The following ITM2C variants were observed in gnomAD, a reference collection of about 807,000 sequenced individuals.
ITM2C encodes integral membrane protein 2C.
Under a neutral mutation model 30.0 loss-of-function variants are expected in ITM2C, and 20 were observed. The ratio of observed to expected loss-of-function variants is 0.67; its 90% CI spans 0.47 to 0.97. The LOEUF (loss-of-function observed/expected upper bound fraction) is 0.97, where lower values mean the gene tolerates loss of function less well. ITM2C is among the 50% of genes least tolerant of loss of function. The probability of loss-of-function intolerance (pLI) is 0.00; values close to 1 mark genes in which losing one functional copy is unlikely to be tolerated. For missense variants in ITM2C, 366 were observed against 371.9 expected (o/e 0.98, Z 0.13); for synonymous variants, 167 against 156.4 (o/e 1.07, Z -0.51).
intron 2 of ITM2C, among the ~76,000 whole-genome samples, chr2:230,874,548 C>T (rs1329681152): frequency 6.6e-6 from 1 of 152,178 alleles, no homozygotes; most frequent in East Asian, 1.9e-4. Flanking sequence ...GTTGTGTGGA[C>T]ACCTCCCAGC....
At chr2:230,871,113 G>A (rs535345686) in intron 1 of ITM2C, among the ~76,000 whole-genome samples, 4 of 152,328 alleles carry the variant, frequency 2.6e-5, no homozygotes, top group South Asian at 2.1e-4. Context: ...CCCCTGTCAC[G>A]CAGAGTCTGT....
At position 230,878,424 on chromosome 2, in the gene ITM2C, G is replaced by C. The variant is rs985711125; in HGVS notation, c.*325G>C. 2 of 204,994 alleles carry C rather than the reference G, an allele frequency of 9.8e-6. No individual in the cohort carries two copies. Among genetic ancestry groups the C allele is most frequent in the African/African-American group, 4.6e-5 (2 of 43,168 alleles). The allele number at this position is 204,994 out of a possible 1,614,324, so 12.7% of individuals were successfully genotyped here. On this transcript the variant is annotated 3_prime_UTR_variant, in exon 6 of 6. Transcript: ENST00000326427. This position sits in a 1 kb window ranked among gnomAD's most constrained non-coding sequence, Gnocchi z 4.5. ...GCAGCCCAAGGGGAAGGACCGGTTG[G>C]GGGAGCCGGGCATGTGAGGCCCTGG...
chr2:230,864,911 G>C, upstream of ITM2C: 1 of 1,219,158 alleles, frequency 8.2e-7, no homozygotes, highest in Non-Finnish European at 1.0e-6. This position sits in a 1 kb window ranked among gnomAD's most constrained non-coding sequence, Gnocchi z 4.3. Context: ...GGGTTAGAGA[G>C]AGGGACGCGA....
chr2:230,877,194 G>T lies in ITM2C; in HGVS notation c.562-206G>T, dbSNP rs547655261. On this transcript the variant is annotated intron_variant, in intron 4 of 5. Transcript: ENST00000326427. This position sits in a 1 kb window ranked among gnomAD's most constrained non-coding sequence, Gnocchi z 4.8. ...GAGACCGGCTTCCTTAGTGTTCAAGGTTGTACCCTGGGTACGGACTCGTGC... is the reference window on the plus strand; with the variant it reads ...GAGACCGGCTTCCTTAGTGTTCAAGTTTGTACCCTGGGTACGGACTCGTGC... 6.6e-6 allele frequency among the ~76,000 whole-genome samples: 1 copy of T among 152,276 alleles called. No individual in the cohort carries two copies. Among genetic ancestry groups the T allele is most frequent in the South Asian group, 2.1e-4 (1 of 4,814 alleles).
Position 230,876,987 on chromosome 2 carries a change from G to A in ITM2C, c.561+20G>A, listed in dbSNP as rs557712566. 8.0e-6 allele frequency: 12 copies of A among 1,493,594 alleles called. No homozygotes were observed. The highest frequency in any genetic ancestry group is 7.5e-6 in the Non-Finnish European group (8 of 1,071,002). The allele number at this position is 1,493,594 out of a possible 1,614,324, so 92.5% of individuals were successfully genotyped here. On this transcript the variant is annotated intron_variant, in intron 4 of 5. Transcript: ENST00000326427. ...GTGAAGGTGCGCAGGGGGTTGGGGG[G>A]ATGTCTGCAGCATCCTGTCCCTCCC...
intron 1 of ITM2C, among the ~76,000 whole-genome samples, chr2:230,866,117 G>A (rs541176176): frequency 1.3e-5 from 2 of 152,356 alleles, no homozygotes; most frequent in East Asian, 1.9e-4. Context: ...GGCAGGGACA[G>A]GGAGGGAGGG....
chr2:230,877,677 C>G lies in ITM2C; in HGVS notation c.712+127C>G, dbSNP rs1689949778. The G allele has an allele frequency of 3.1e-6, 3 of 981,416 alleles. No homozygotes were observed. Among genetic ancestry groups the G allele is most frequent in the Non-Finnish European group, 4.6e-6 (3 of 653,800 alleles). 60.8% of individuals were successfully genotyped at this position (981,416 alleles called of 1,614,324 possible). A position where few individuals can be genotyped will look rare whatever the true frequency, so the allele number is the denominator to read the frequency against. ...AATAACAGCTAGCATTAGCAGAGCA[C>G]TTCCGTGTGCCGGGCAATGCTGTGT... On this transcript the variant is annotated intron_variant, in intron 5 of 5. Transcript: ENST00000326427. The surrounding 1 kb of genome is among the most constrained non-coding windows in gnomAD (Gnocchi z 4.8).
intron 1 of ITM2C, among the ~76,000 whole-genome samples, chr2:230,871,936 G>A (rs1295065172): frequency 6.6e-6 from 1 of 152,252 alleles, no homozygotes; most frequent in African/African-American, 2.4e-5. Flanking sequence ...CGCCCCCAGG[G>A]CAGGACCCCT....
chr2:230,865,039 G>A lies in ITM2C; in HGVS notation c.14G>A (p.Ser5Asn), dbSNP rs772491458. Residue 5 changes from serine to asparagine, a missense_variant, in exon 1 of 6, where the codon AGC (serine) becomes AAC (asparagine). By Grantham distance (46) the Ser-to-Asn change is conservative. Coordinates refer to ENST00000326427, the MANE Select transcript of ITM2C (RefSeq NM_030926.6). The surrounding 1 kb of genome is among the most constrained non-coding windows in gnomAD (Gnocchi z 6.8). The stretch of plus-strand genomic sequence containing the variant: ...GCCGGCGCAGCCATGGTGAAGATTA[G>A]CTTCCAGCCCGCCGTGGCTGGCATC... MVKI[S>N]FQPAVAGIKG... is the part of the protein sequence containing the mutation. The A allele has an allele frequency of 1.5e-5, 23 of 1,525,362 alleles. No homozygotes were observed. Among genetic ancestry groups the A allele is most frequent in the Middle Eastern group, 3.4e-4 (2 of 5,822 alleles). 94.5% of individuals were successfully genotyped at this position (1,525,362 alleles called of 1,614,324 possible). A position where few individuals can be genotyped will look rare whatever the true frequency, so the allele number is the denominator to read the frequency against.
Position 230,865,019 on chromosome 2 carries a change from C to A in ITM2C, c.-7C>A. 1 of 1,492,132 alleles carries A rather than the reference C, an allele frequency of 6.7e-7. No individual in the cohort carries two copies. The highest frequency in any genetic ancestry group is 9.0e-7 in the Non-Finnish European group (1 of 1,112,778). 92.4% of individuals were successfully genotyped at this position (1,492,132 alleles called of 1,614,324 possible). On this transcript the variant is annotated 5_prime_UTR_variant, in exon 1 of 6. Coordinates refer to ENST00000326427, the MANE Select transcript of ITM2C (RefSeq NM_030926.6). The surrounding 1 kb of genome is among the most constrained non-coding windows in gnomAD (Gnocchi z 6.8). ...GCTGCGGGGCGGACGCGCGGGCCGGCGCAGCCATGGTGAAGATTAGCTTCC... is the reference window on the plus strand; with the variant it reads ...GCTGCGGGGCGGACGCGCGGGCCGGAGCAGCCATGGTGAAGATTAGCTTCC...
rs1348153106 is a variant in ITM2C, at chr2:230,877,336, C to T, written c.562-64C>T. ...GGAGGAGGGAGGTGGGCTGGCATTT[C>T]GGGCGAGGGGTTGGACGAAAGCCTG... On this transcript the variant is annotated intron_variant, in intron 4 of 5. Coordinates refer to ENST00000326427, the MANE Select transcript of ITM2C (RefSeq NM_030926.6). The surrounding 1 kb of genome is among the most constrained non-coding windows in gnomAD (Gnocchi z 4.8). 1.2e-5 allele frequency: 18 copies of T among 1,558,060 alleles called. No individual in the cohort carries two copies. The highest frequency in any genetic ancestry group is 6.9e-5 in the Admixed American group (4 of 58,308).
chr2:230,865,069 G>A lies in ITM2C; in HGVS notation c.44G>A (p.Gly15Asp). Residue 15 changes from glycine (G) to aspartate (D), a missense_variant, in exon 1 of 6, where the codon GGC becomes GAC. Coordinates refer to ENST00000326427, the MANE Select transcript of ITM2C (RefSeq NM_030926.6). The surrounding 1 kb of genome is among the most constrained non-coding windows in gnomAD (Gnocchi z 6.8). Reference sequence around the variant, plus strand: ...CAGCCCGCCGTGGCTGGCATCAAGGGCGACAAGGCTGACAAGGCGTCGGCG... The same window carrying A: ...CAGCCCGCCGTGGCTGGCATCAAGGACGACAAGGCTGACAAGGCGTCGGCG... Reference protein sequence around the residue: ...SFQPAVAGIKGDKADKASASA... With the variant: ...SFQPAVAGIKDDKADKASASA... 1.3e-6 allele frequency: 2 copies of A among 1,536,512 alleles called. No individual in the cohort carries two copies. The highest frequency in any genetic ancestry group is 1.4e-5 in the African/African-American group (1 of 70,914).
chr2:230,878,281 G>A lies in ITM2C; in HGVS notation c.*182G>A. 1 of 436,204 alleles carries A rather than the reference G, an allele frequency of 2.3e-6. No homozygotes were observed. The highest frequency in any genetic ancestry group is 4.4e-5 in the South Asian group (1 of 22,540). The allele number at this position is 436,204 out of a possible 1,614,324, so 27.0% of individuals were successfully genotyped here. On this transcript the variant is annotated 3_prime_UTR_variant, in exon 6 of 6. Transcript: ENST00000326427. This position sits in a 1 kb window ranked among gnomAD's most constrained non-coding sequence, Gnocchi z 4.5. ...GTACCAGAGCTGTGATCTCTCGGTG[G>A]GGGGCCCATCTCTGCTGACCTGGGT...
chr2:230,872,685 C>T (rs571339024), intron 1 of ITM2C, among the ~76,000 whole-genome samples: 2 of 152,296 alleles, frequency 1.3e-5, no homozygotes, highest in South Asian at 4.2e-4. Context: ...CTTGTAACAG[C>T]CTGCTTGACT....
At chr2:230,875,490 A>G (rs1033699383) in intron 2 of ITM2C, 130 bp from the exon 3 acceptor site, 1 of 751,230 alleles carries the variant, frequency 1.3e-6, no homozygotes, top group Admixed American at 2.7e-5. Flanking sequence ...AATGGGTCTC[A>G]CAGTCCCTGC....
At chr2:230,876,806 G>A in intron 3 of ITM2C, 51 bp from the exon 4 acceptor site, 1 of 1,275,000 alleles carries the variant, frequency 7.8e-7, no homozygotes, top group Non-Finnish European at 1.1e-6. Flanking sequence ...AGCCCTGCCT[G>A]GGTCAGCTGT....
chr2:230,874,164 T>C (rs1456808070), intron 2 of ITM2C, among the ~76,000 whole-genome samples: 2 of 152,156 alleles, frequency 1.3e-5, no homozygotes, highest in Non-Finnish European at 2.9e-5. Flanking sequence ...TACGTACAAC[T>C]CACAGAGAAC....
intron 2 of ITM2C, among the ~76,000 whole-genome samples, chr2:230,874,612 A>T (rs1255675145): frequency 6.6e-6 from 1 of 152,184 alleles, no homozygotes; most frequent in Non-Finnish European, 1.5e-5. Context: ...CCACTGTGGG[A>T]TGCAGCCCCG....
intron 1 of ITM2C, among the ~76,000 whole-genome samples, chr2:230,868,100 C>T (rs1047580841): frequency 6.6e-6 from 1 of 151,924 alleles, no homozygotes; most frequent in Non-Finnish European, 1.5e-5. Flanking sequence ...CAGGGTGAGG[C>T]GGCAGGAGCA....
Sources: gnomAD v4.1 joint callset for allele counts (sites outside exome capture counted in the v4.1 genomes callset) on GRCh38, gnomAD v4.1.1 for gene constraint, Gnocchi (gnomAD v3.1) non-coding constraint, MANE v1.5 for transcripts, NCBI Gene and HGNC (gene_info 2026-07-23, HGNC 2026-07-21) for gene names.